Variants in DOCK1 observed in about 807,000 individuals in gnomAD.
DOCK1 encodes the protein dedicator of cytokinesis 1.
In DOCK1, 138 loss-of-function variants were observed where a neutral mutation model predicts 262.7. The ratio of observed to expected loss-of-function variants is 0.53; its 90% CI spans 0.46 to 0.61. The LOEUF is 0.61. Among genes scored for constraint, DOCK1 ranks in the 20% least tolerant of loss-of-function variants. The pLI is 0.00. For missense variants in DOCK1, 1,908 were observed against 2,370.7 expected (o/e 0.80, Z 4.05); for synonymous variants, 866 against 867.4 (o/e 1.00, Z 0.03).
chr10:127,322,767 A>C (rs969207852), intron 29 of DOCK1, among the ~76,000 whole-genome samples: 1 of 152,268 alleles, frequency 6.6e-6, no homozygotes, highest in Non-Finnish European at 1.5e-5. Flanking sequence ...TTATAATAGC[A>C]GAGTCTATTA....
rs1218571526 is a variant in DOCK1, at chr10:127,451,714, C to T, written c.*287C>T. On this transcript the variant is annotated 3_prime_UTR_variant, in exon 52 of 52. Transcript: ENST00000623213. ...GGCTCTGAGAGAGTCTGAGTCTTGC[C>T]CAAACATTCTTTCTTTTTGTGCCAA... 6.1e-6 allele frequency: 3 copies of T among 490,100 alleles called. No individual in the cohort carries two copies. The Admixed American group carries it at 1.2e-4, about 20-fold the overall frequency. 30.4% of individuals were successfully genotyped at this position (490,100 alleles called of 1,614,324 possible). A position where few individuals can be genotyped will look rare whatever the true frequency, so the allele number is the denominator to read the frequency against.
chr10:127,323,000 C>G (rs918920452), intron 29 of DOCK1, among the ~76,000 whole-genome samples: 1 of 152,156 alleles, frequency 6.6e-6, no homozygotes, highest in African/African-American at 2.4e-5. Flanking sequence ...TAGAGGATAG[C>G]GTGTGCTTCC....
chr10:127,021,951 T>A (rs1012798946), intron 13 of DOCK1, among the ~76,000 whole-genome samples: 3 of 152,104 alleles, frequency 2.0e-5, no homozygotes, highest in African/African-American at 4.8e-5. Context: ...CTTTGGCTCC[T>A]TGGGAGAGCG....
intron 22 of DOCK1, 149 bp from the exon 23 acceptor site, chr10:127,061,519 A>G (rs1284284972): frequency 1.3e-5 from 9 of 702,352 alleles, no homozygotes; most frequent in Non-Finnish European, 1.7e-5. Context: ...CTCACTGCCA[A>G]GTTACCTTCC....
intron 5 of DOCK1, among the ~76,000 whole-genome samples, chr10:126,989,702 G>A (rs2039661296): frequency 6.6e-6 from 1 of 152,176 alleles, no homozygotes; most frequent in Non-Finnish European, 1.5e-5. Flanking sequence ...TTTTCCTTCA[G>A]ATAATCCCTA....
Position 127,433,335 on chromosome 10 carries a change from C to T in DOCK1, c.4967C>T (p.Ser1656Phe), listed in dbSNP as rs2069433662. 6.2e-7 allele frequency: 1 copy of T among 1,613,842 alleles called. No homozygotes were observed. Among genetic ancestry groups the T allele is most frequent in the South Asian group, 1.1e-5 (1 of 91,076 alleles). ...AGCCGCCCCCGGTCCATGGTGCGGT[C>T]CTTCACGATGCCTTCCTCATCCCGC... ...RGSRPRSMVR[S>F]FTMPSSSRPL... The change falls in exon 48 of 52, where the codon TCC (serine) becomes TTC (phenylalanine). Residue 1656 changes from serine to phenylalanine, a missense_variant. By Grantham distance (155) the Ser-to-Phe change is radical. Around this residue, in one of 9 missense-constraint regions of DOCK1, gnomAD observed 383 missense variants for 420.1 expected, o/e 0.91. Coordinates refer to ENST00000623213, the MANE Select transcript of DOCK1 (RefSeq NM_001290223.2).
chr10:127,205,999 T>C (rs2057701754), intron 27 of DOCK1, among the ~76,000 whole-genome samples: 1 of 152,190 alleles, frequency 6.6e-6, no homozygotes, highest in African/African-American at 2.4e-5. Flanking sequence ...AAATAAATGC[T>C]CATTTTGATT....
intron 1 of DOCK1, among the ~76,000 whole-genome samples, chr10:126,926,473 A>C (rs575104307): frequency 1.3e-5 from 2 of 152,290 alleles, no homozygotes; most frequent in African/African-American, 4.8e-5. Flanking sequence ...ACAACTACTT[A>C]TCTTGCAGTT....
At chr10:127,021,937 C>T (rs563248937) in intron 13 of DOCK1, among the ~76,000 whole-genome samples, 14 of 152,194 alleles carry the variant, frequency 9.2e-5, no homozygotes, top group Non-Finnish European at 1.6e-4. Flanking sequence ...TTGACGGAAC[C>T]GCTCTTTGGC....
chr10:127,007,353 T>A (rs994547390), intron 10 of DOCK1: 1 of 152,016 alleles, frequency 6.6e-6, no homozygotes, highest in African/African-American at 2.4e-5. Flanking sequence ...GAAAGGAAAA[T>A]TTTCAATATA....
intron 18 of DOCK1, among the ~76,000 whole-genome samples, chr10:127,036,127 T>C (rs12358484): frequency 0.046 from 6,969 of 152,326 alleles, 216 homozygotes; most frequent in Non-Finnish European, 0.068. Flanking sequence ...TTCTGCTAAG[T>C]GCTTTCTACA....
At chr10:127,379,997 A>G in intron 35 of DOCK1, 85 bp from the exon 36 acceptor site, 2 of 942,566 alleles carry the variant, frequency 2.1e-6, no homozygotes, top group South Asian at 2.9e-5. Context: ...TTGACACAAG[A>G]TGAAGTATCT....
chr10:126,909,714 C>T (rs1431451524), intron 1 of DOCK1, among the ~76,000 whole-genome samples: 4 of 152,318 alleles, frequency 2.6e-5, no homozygotes, highest in Admixed American at 2.6e-4. Flanking sequence ...AGCCTGCTTG[C>T]TGCCGAGTCG....
chr10:127,354,272 T>G (rs2064027754), intron 31 of DOCK1, among the ~76,000 whole-genome samples: 1 of 152,240 alleles, frequency 6.6e-6, no homozygotes, highest in Admixed American at 6.5e-5. Context: ...CTGGATTTAA[T>G]TTTAACTTTG....
chr10:127,165,894 A>T (rs2054025070), intron 27 of DOCK1, among the ~76,000 whole-genome samples: 1 of 152,138 alleles, frequency 6.6e-6, no homozygotes, highest in Admixed American at 6.5e-5. Context: ...CAATGAGGGG[A>T]TCTCTGCTGT....
At chr10:127,420,393 G>T (rs1037732869) in intron 46 of DOCK1, among the ~76,000 whole-genome samples, 1 of 152,116 alleles carries the variant, frequency 6.6e-6, no homozygotes, top group Non-Finnish European at 1.5e-5. Flanking sequence ...GAAGTGTAGG[G>T]GTCAAGAGCC....
chr10:127,110,412 G>A lies in DOCK1; in HGVS notation c.2623+58G>A, dbSNP rs1207288233. The A allele has an allele frequency of 2.0e-6, 3 of 1,488,766 alleles. No individual in the cohort carries two copies. In the East Asian group the frequency reaches 7.1e-5, roughly 35 times the overall value. 92.2% of individuals were successfully genotyped at this position (1,488,766 alleles called of 1,614,324 possible). A position where few individuals can be genotyped will look rare whatever the true frequency, so the allele number is the denominator to read the frequency against. ...CTGTTATTTATTTTCTGAAGACATT[G>A]ACCCTCTGAATTGCCTCTTCTTGAC... On this transcript the variant is annotated intron_variant, in intron 25 of 51. Coordinates refer to ENST00000623213, the MANE Select transcript of DOCK1 (RefSeq NM_001290223.2).
intron 23 of DOCK1, among the ~76,000 whole-genome samples, chr10:127,103,776 G>A (rs1354968178): frequency 6.6e-6 from 1 of 152,134 alleles, no homozygotes; most frequent in Non-Finnish European, 1.5e-5. Flanking sequence ...TTCAGTTTTT[G>A]TGAATGTAGG....
chr10:127,212,313 G>C lies in DOCK1; in HGVS notation c.2848-35695G>C, dbSNP rs138790019. Among the ~76,000 whole-genome samples, 1,496 of 152,250 alleles carry C rather than the reference G, an allele frequency of 9.8e-3. 18 individuals carry two copies. Among genetic ancestry groups the C allele is most frequent in the African/African-American group, 0.025 (1,033 of 41,542 alleles). ...AGAAGGAAACTTCTACCTGGCCATC[G>C]TGTGACAACACTGGCTGCATATCAA... On this transcript the variant is annotated intron_variant, in intron 27 of 51. Coordinates refer to ENST00000623213, the MANE Select transcript of DOCK1 (RefSeq NM_001290223.2).
Sources: allele counts gnomAD v4.1 joint callset (sites outside exome capture counted in the v4.1 genomes callset), GRCh38; gene constraint gnomAD v4.1.1; regional missense constraint gnomAD v4.1.1; transcripts MANE v1.5; gene names NCBI Gene and HGNC (gene_info 2026-07-23, HGNC 2026-07-21).